Variants in EPB41L1 observed in about 807,000 individuals in gnomAD.
The protein encoded by EPB41L1 is band 4.1-like protein 1.
In EPB41L1, 29 loss-of-function variants were observed where a neutral mutation model predicts 97.8. The ratio of observed to expected loss-of-function variants is 0.30; its 90% CI spans 0.22 to 0.40. The LOEUF (loss-of-function observed/expected upper bound fraction) is 0.40. Ranked by LOEUF, EPB41L1 falls within the 10% of genes least tolerant of loss-of-function variation. EPB41L1 has a pLI of 1.00. For missense variants in EPB41L1, 812 were observed against 1,162.3 expected (o/e 0.70, Z 4.38); for synonymous variants, 383 against 459.2 (o/e 0.83, Z 2.12).
chr20:36,152,848 G>A, upstream of EPB41L1: 1 of 400,242 alleles, frequency 2.5e-6, no homozygotes, highest in Non-Finnish European at 5.0e-6. Flanking sequence ...TGAAAGGCCT[G>A]GGGATGAGAA....
rs115843846 is a variant in EPB41L1, at chr20:36,207,893, A to G, written c.1669-1595A>G. The G allele has an allele frequency of 1.1e-3, 1,273 of 1,123,082 alleles. 4 individuals are homozygous for G. In the African/African-American group the frequency reaches 0.019, roughly 16 times the overall value. The allele number at this position is 1,123,082 out of a possible 1,614,324, so 69.6% of individuals were successfully genotyped here. The stretch of plus-strand genomic sequence containing the variant: ...TCAGTGGCCCCTCGTCATTTCTGCA[A>G]TCAGAGGCTGCTTATCCATCCCTGT... On this transcript the variant is annotated intron_variant, in intron 14 of 21. Coordinates refer to ENST00000338074, the MANE Select transcript of EPB41L1 (RefSeq NM_012156.2). This position sits in a 1 kb window ranked among gnomAD's most constrained non-coding sequence, Gnocchi z 4.9.
At position 36,206,598 on chromosome 20, in the gene EPB41L1, G is replaced by C; in HGVS notation, c.1669-2890G>C. On this transcript the variant is annotated intron_variant, in intron 14 of 21. Transcript: ENST00000338074. This position sits in a 1 kb window ranked among gnomAD's most constrained non-coding sequence, Gnocchi z 5.5. The stretch of plus-strand genomic sequence containing the variant: ...GGCCGACGCTGAATTCCTTAGACCT[G>C]AGGGTTTCTGCTGCTGCTTCCAGCA... 1.6e-6 allele frequency: 2 copies of C among 1,289,840 alleles called. No homozygotes were observed. The highest frequency in any genetic ancestry group is 1.2e-5 in the South Asian group (1 of 81,030). 79.9% of individuals were successfully genotyped at this position (1,289,840 alleles called of 1,614,324 possible). A position where few individuals can be genotyped will look rare whatever the true frequency, so the allele number is the denominator to read the frequency against.
chr20:36,207,422 A>G lies in EPB41L1; in HGVS notation c.1669-2066A>G, dbSNP rs1171856205. 7.8e-7 allele frequency: 1 copy of G among 1,289,650 alleles called. No individual in the cohort carries two copies. The highest frequency in any genetic ancestry group is 1.5e-5 in the African/African-American group (1 of 65,838). 79.9% of individuals were successfully genotyped at this position (1,289,650 alleles called of 1,614,324 possible). A position where few individuals can be genotyped will look rare whatever the true frequency, so the allele number is the denominator to read the frequency against. On this transcript the variant is annotated intron_variant, in intron 14 of 21. Coordinates refer to ENST00000338074, the MANE Select transcript of EPB41L1 (RefSeq NM_012156.2). The surrounding 1 kb of genome is among the most constrained non-coding windows in gnomAD (Gnocchi z 4.9). ...GCTGGGGACCAAGAGGGCTCCCTAG[A>G]AGATATTAGCAAGACCTCAGTGGCC...
chr20:36,152,395 T>A (rs2060092223), upstream of EPB41L1: 1 of 153,606 alleles, frequency 6.5e-6, no homozygotes, highest in Non-Finnish European at 1.4e-5. Flanking sequence ...TCCATCTGGT[T>A]GAGGAGGGTG....
intron 2 of EPB41L1, among the ~76,000 whole-genome samples, chr20:36,120,405 C>T (rs2058715123): frequency 6.6e-6 from 1 of 152,192 alleles, no homozygotes; most frequent in Admixed American, 6.5e-5. Flanking sequence ...ACTGAGTGAG[C>T]AAAGAGGGAC....
At chr20:36,174,061 G>A in intron 2 of EPB41L1, 107 bp downstream of exon 2, 1 of 1,211,090 alleles carries the variant, frequency 8.3e-7, no homozygotes, top group South Asian at 1.3e-5. Context: ...AGGAAACTAA[G>A]ATTTATTAGT....
chr20:36,104,320 C>G (rs2058119238), intron 1 of EPB41L1, among the ~76,000 whole-genome samples: 1 of 152,042 alleles, frequency 6.6e-6, no homozygotes, highest in African/African-American at 2.4e-5. Context: ...AAGTGGGGTG[C>G]ATATTTGGAG....
intron 1 of EPB41L1, among the ~76,000 whole-genome samples, chr20:36,159,525 A>G (rs1432670353): frequency 6.6e-6 from 1 of 152,224 alleles, no homozygotes; most frequent in Non-Finnish European, 1.5e-5. Flanking sequence ...TTTGAAGAGA[A>G]TGACGCTAGA....
chr20:36,221,418 G>T (rs536663206), intron 19 of EPB41L1, among the ~76,000 whole-genome samples: 2 of 152,320 alleles, frequency 1.3e-5, no homozygotes, highest in East Asian at 1.9e-4. Context: ...GTGAGGGAGT[G>T]GGGGAGGAGG....
At chr20:36,192,566 G>A (rs899674305) in intron 11 of EPB41L1, among the ~76,000 whole-genome samples, 2 of 151,896 alleles carry the variant, frequency 1.3e-5, no homozygotes, top group African/African-American at 4.8e-5. Flanking sequence ...GTGGAAAGTG[G>A]GGACTTGGGT....
chr20:36,227,515 C>G (rs2064240369), intron 21 of EPB41L1, among the ~76,000 whole-genome samples: 1 of 152,164 alleles, frequency 6.6e-6, no homozygotes, highest in Non-Finnish European at 1.5e-5. Context: ...GGATCTGTGT[C>G]TTGCCTACAG....
At chr20:36,180,272 C>G (rs6119704) in intron 5 of EPB41L1, among the ~76,000 whole-genome samples, 9,617 of 152,286 alleles carry the variant, frequency 0.063, 376 homozygotes, top group Middle Eastern at 0.12. Context: ...TCTGTGACAG[C>G]ACCTCAGCCT....
chr20:36,155,628 A>G (rs1351077139), intron 1 of EPB41L1: 1 of 456,514 alleles, frequency 2.2e-6, no homozygotes, highest in Non-Finnish European at 4.4e-6. Context: ...GCAGACGTAT[A>G]TGGCTCAAAG....
intron 17 of EPB41L1, among the ~76,000 whole-genome samples, chr20:36,215,834 A>C (rs1257609297): frequency 6.6e-6 from 1 of 152,212 alleles, no homozygotes; most frequent in African/African-American, 2.4e-5. Context: ...AATGACCATC[A>C]TGAGCACCTT....
intron 17 of EPB41L1, among the ~76,000 whole-genome samples, 180 bp downstream of exon 17, chr20:36,214,620 A>C (rs991076054): frequency 5.3e-5 from 8 of 152,344 alleles, no homozygotes; most frequent in African/African-American, 1.7e-4. Context: ...GGACATAGTC[A>C]GGCCTCAGTT....
In EPB41L1 at chr20:36,207,118, G is replaced by C. The variant is rs113108703; in HGVS notation, c.1669-2370G>C. ...CTCCCCTGGTCATTCTGAGGACCTG[G>C]CAGCTCTGGAGGAAGCTTCTCCAAG... On this transcript the variant is annotated intron_variant, in intron 14 of 21. Transcript: ENST00000338074. The surrounding 1 kb of genome is among the most constrained non-coding windows in gnomAD (Gnocchi z 4.9). 4 of 1,289,412 alleles carry C rather than the reference G, an allele frequency of 3.1e-6. No individual in the cohort carries two copies. The highest frequency in any genetic ancestry group is 1.5e-5 in the African/African-American group (1 of 65,998). 79.9% of individuals were successfully genotyped at this position (1,289,412 alleles called of 1,614,324 possible).
intron 18 of EPB41L1, among the ~76,000 whole-genome samples, 177 bp downstream of exon 18, chr20:36,219,139 C>G (rs1232289506): frequency 6.6e-6 from 1 of 152,230 alleles, no homozygotes; most frequent in Non-Finnish European, 1.5e-5. Flanking sequence ...CTGCTAGAAT[C>G]TCATGAGTGG....
chr20:36,148,045 G>A (rs1555844110), intron 2 of EPB41L1, among the ~76,000 whole-genome samples: 1 of 152,138 alleles, frequency 6.6e-6, no homozygotes, highest in Non-Finnish European at 1.5e-5. Context: ...CTCAGCCTCA[G>A]GAGTGTCCTG....
At chr20:36,229,304 C>CA in intron 21 of EPB41L1, 28 bp from the exon 22 acceptor site, 1 of 1,603,500 alleles carries the variant, frequency 6.2e-7, no homozygotes, top group South Asian at 1.1e-5. Flanking sequence ...CCCCACCCCC[C>CA]ATTCTACCCC....
Sources: allele counts gnomAD v4.1 joint callset (sites outside exome capture counted in the v4.1 genomes callset), GRCh38; gene constraint gnomAD v4.1.1; non-coding constraint Gnocchi (gnomAD v3.1); transcripts MANE v1.5; gene names NCBI Gene and HGNC (gene_info 2026-07-23, HGNC 2026-07-21).